SBF2: variants seen among roughly 807,000 people sequenced by gnomAD.
SBF2 encodes the protein SET binding factor 2, also known as myotubularin-related protein 13.
In SBF2, 112 loss-of-function variants were observed where a neutral mutation model predicts 225.2. That is an observed-to-expected ratio of 0.50 (90% CI 0.43 to 0.58). The LOEUF (loss-of-function observed/expected upper bound fraction) is 0.58. Among genes scored for constraint, SBF2 ranks in the 20% least tolerant of loss-of-function variants. The pLI, the probability that SBF2 is intolerant of heterozygous loss-of-function variation, is 0.00. For synonymous variants in SBF2, 763 were observed against 773.3 expected, an observed-to-expected ratio of 0.99 and a Z score of 0.22; for missense variants, 1,996 against 2,206.2, an observed-to-expected ratio of 0.90 and a Z score of 1.91.
chr11:10,301,055 G>C (rs1964594897), intron 1 of SBF2, among the ~76,000 whole-genome samples: 1 of 152,106 alleles, frequency 6.6e-6, no homozygotes, highest in Non-Finnish European at 1.5e-5. Context: ...CTCTCTGCCT[G>C]TTTTGTACAG....
At chr11:9,883,749 C>T (rs1184320633) in intron 17 of SBF2, among the ~76,000 whole-genome samples, 3 of 152,094 alleles carry the variant, frequency 2.0e-5, no homozygotes, top group African/African-American at 7.2e-5. Context: ...TGAATAAATA[C>T]TTTTGATTTG....
At chr11:10,077,643 G>A (rs569280778) in intron 2 of SBF2, among the ~76,000 whole-genome samples, 2 of 152,172 alleles carry the variant, frequency 1.3e-5, no homozygotes, top group African/African-American at 2.4e-5. Flanking sequence ...AACTCAAGAT[G>A]GATTAAAGAC....
chr11:10,104,550 TG>T (rs57428150), intron 2 of SBF2, among the ~76,000 whole-genome samples: 62,871 of 152,016 alleles, frequency 0.41, 13,574 homozygotes, highest in Non-Finnish European at 0.47. Context: ...ATCACGGGGC[TG>T]GGTGTGAGAG....
Position 10,060,368 on chromosome 11 carries a change from C to T in SBF2, c.142-17387G>A, listed in dbSNP as rs566203186. 1.1e-4 allele frequency among the ~76,000 whole-genome samples: 16 copies of T among 152,232 alleles called. No individual in the cohort carries two copies. The East Asian group carries it at 2.3e-3, about 22-fold the overall frequency. ...CTCTGAACAGACTACTAACAAGCTC[C>T]GAAACTGAATCAGTAATAAATAGCC... On this transcript the variant is annotated intron_variant, in intron 2 of 39. Transcript: ENST00000256190.
chr11:10,254,399 A>G (rs907005018), intron 1 of SBF2, among the ~76,000 whole-genome samples: 3 of 151,602 alleles, frequency 2.0e-5, no homozygotes, highest in Admixed American at 6.6e-5. Flanking sequence ...AAAAAAAAAA[A>G]GAACTACCTA....
chr11:9,954,185 T>G (rs1436739289), intron 16 of SBF2, among the ~76,000 whole-genome samples: 1 of 152,232 alleles, frequency 6.6e-6, no homozygotes, highest in African/African-American at 2.4e-5. Flanking sequence ...TCATGTTCCA[T>G]TTAATTTTCC....
At chr11:10,261,307 A>C (rs1378591008) in intron 1 of SBF2, among the ~76,000 whole-genome samples, 1 of 152,122 alleles carries the variant, frequency 6.6e-6, no homozygotes, top group Non-Finnish European at 1.5e-5. Flanking sequence ...GGCTCAAGCA[A>C]TCCTCCCGTC....
chr11:10,290,277 A>G (rs1435288552), intron 1 of SBF2, among the ~76,000 whole-genome samples: 2 of 151,998 alleles, frequency 1.3e-5, no homozygotes, highest in Non-Finnish European at 2.9e-5. Context: ...TCTGTGTGGT[A>G]GGGGAAGAGG....
At chr11:9,784,182 C>G (rs1315233556) in intron 38 of SBF2, among the ~76,000 whole-genome samples, 169 bp downstream of exon 38, 1 of 152,166 alleles carries the variant, frequency 6.6e-6, no homozygotes, top group Non-Finnish European at 1.5e-5. Context: ...GGCTATTGCC[C>G]TTACTCAGGG....
chr11:9,976,414 A>G (rs1258522493), intron 13 of SBF2, among the ~76,000 whole-genome samples: 2 of 152,054 alleles, frequency 1.3e-5, no homozygotes, highest in African/African-American at 2.4e-5. Flanking sequence ...AAGTTCTTTA[A>G]TATTTCCTTT....
In SBF2 at chr11:9,832,389, C is replaced by T. The variant is rs1291081551; in HGVS notation, c.3487G>A (p.Val1163Ile). Residue 1163 changes from valine to isoleucine, a missense_variant, in exon 27 of 40, where the codon GTA becomes ATA. Transcript: ENST00000256190. The part of the protein sequence containing the change: ...YPGLLVVPQA[V>I]QDSSLPRVAR... ...ACTCTTGGTAAACTACTGTCCTGTA[C>T]AGCTTGAGGTACGACTAAAAGGCCA... 1 of 1,613,750 alleles carries T rather than the reference C, an allele frequency of 6.2e-7. No individual in the cohort carries two copies. Among genetic ancestry groups the T allele is most frequent in the East Asian group, 2.2e-5 (1 of 44,850 alleles).
At chr11:10,232,956 G>A (rs566152691) in intron 1 of SBF2, among the ~76,000 whole-genome samples, 2 of 152,194 alleles carry the variant, frequency 1.3e-5, no homozygotes, top group South Asian at 2.1e-4. Flanking sequence ...GTTTCATTCA[G>A]GAAAACCAAG....
At chr11:10,188,404 C>T (rs1420579653) in intron 2 of SBF2, among the ~76,000 whole-genome samples, 1 of 146,870 alleles carries the variant, frequency 6.8e-6, no homozygotes, top group African/African-American at 2.6e-5. Context: ...TGGGTCAGGC[C>T]TGTGTAGCTC....
intron 1 of SBF2, among the ~76,000 whole-genome samples, chr11:10,263,300 G>A (rs939863264): frequency 1.3e-4 from 20 of 151,916 alleles, no homozygotes; most frequent in African/African-American, 4.8e-4. Context: ...GAAAAATTAT[G>A]AAGCTGGAAG....
At chr11:9,781,115 G>C (rs149821367) in intron 39 of SBF2, among the ~76,000 whole-genome samples, 1 of 152,250 alleles carries the variant, frequency 6.6e-6, no homozygotes, top group African/African-American at 2.4e-5. Context: ...AGATGTTAGC[G>C]TAGACACTTA....
At position 9,781,626 on chromosome 11, in the gene SBF2, C is replaced by A; in HGVS notation, c.5332G>T (p.Asp1778Tyr). The change falls in exon 39 of 40, where the codon GAC (aspartate) becomes TAC (tyrosine). Residue 1778 changes from aspartate to tyrosine, a missense_variant. Asp to Tyr is a radical substitution (Grantham distance 160). Transcript: ENST00000256190. The part of the protein sequence containing the change: ...DVTKHQLRYY[D>Y]SGEDTSCKGH... ...TTACAGCTTGTGTCCTCACCTGAGTCATAGTAGCGCAGCTGGAACCAAAAG... is the reference window on the plus strand; with the variant it reads ...TTACAGCTTGTGTCCTCACCTGAGTAATAGTAGCGCAGCTGGAACCAAAAG... The A allele has an allele frequency of 6.2e-7, 1 of 1,614,162 alleles. No individual in the cohort carries two copies. Among genetic ancestry groups the A allele is most frequent in the South Asian group, 1.1e-5 (1 of 91,066 alleles).
chr11:9,827,774 C>CT (rs1238443988), intron 28 of SBF2, among the ~76,000 whole-genome samples: 4 of 152,212 alleles, frequency 2.6e-5, no homozygotes, highest in African/African-American at 9.6e-5. Context: ...TCTGGAATCA[C>CT]TTCTCCTTAA....
chr11:9,833,248 C>T (rs1426087249), intron 26 of SBF2, among the ~76,000 whole-genome samples: 3 of 152,216 alleles, frequency 2.0e-5, no homozygotes, highest in African/African-American at 7.2e-5. Context: ...TATAAAGTTA[C>T]AGGATATGAT....
chr11:10,237,525 T>G (rs567660525), intron 1 of SBF2, among the ~76,000 whole-genome samples: 1 of 152,344 alleles, frequency 6.6e-6, no homozygotes, highest in African/African-American at 2.4e-5. Flanking sequence ...TGGATTAAGG[T>G]GATACAGAAT....
Sources: gnomAD v4.1 joint callset for allele counts (sites outside exome capture counted in the v4.1 genomes callset) on GRCh38, gnomAD v4.1.1 for gene constraint, MANE v1.5 for transcripts, NCBI Gene and HGNC (gene_info 2026-07-23, HGNC 2026-07-21) for gene names.